CHST11: variants seen among roughly 807,000 people sequenced by gnomAD.
CHST11 encodes C4S-1.
In CHST11, 9 loss-of-function variants were observed where a neutral mutation model predicts 30.4. The observed-to-expected ratio is 0.30, with a 90% CI of 0.18 to 0.52. The LOEUF is 0.52. Ranked by LOEUF, CHST11 falls within the 20% of genes least tolerant of loss-of-function variation. The probability of loss-of-function intolerance (pLI) is 0.97; values close to 1 mark genes in which losing one functional copy is unlikely to be tolerated. For synonymous variants in CHST11, 152 were observed against 187.8 expected (o/e 0.81, Z 1.56); for missense variants, 348 against 460.6 (o/e 0.76, Z 2.24).
At chr12:104,745,026 A>G (rs2136141578) in intron 2 of CHST11, among the ~76,000 whole-genome samples, 1 of 152,142 alleles carries the variant, frequency 6.6e-6, no homozygotes, top group South Asian at 2.1e-4. Context: ...GGTGCCCACC[A>G]TCATGCCTGG....
intron 2 of CHST11, among the ~76,000 whole-genome samples, chr12:104,680,036 C>T (rs947792184): frequency 5.3e-5 from 8 of 152,184 alleles, no homozygotes; most frequent in African/African-American, 1.9e-4. Context: ...GTGACTTGAA[C>T]CTCTGAGCAT....
At chr12:104,518,473 C>G (rs2038046483) in intron 1 of CHST11, among the ~76,000 whole-genome samples, 1 of 152,122 alleles carries the variant, frequency 6.6e-6, no homozygotes, top group African/African-American at 2.4e-5. Context: ...TTCAGTTGGA[C>G]TCTGATAAAG....
intron 1 of CHST11, among the ~76,000 whole-genome samples, chr12:104,470,018 C>T (rs2037492736): frequency 6.6e-6 from 1 of 152,222 alleles, no homozygotes; most frequent in African/African-American, 2.4e-5. Context: ...CTTCTTCCCC[C>T]ATAGGGGACA....
At chr12:104,482,163 A>C (rs1208510851) in intron 1 of CHST11, among the ~76,000 whole-genome samples, 1 of 151,778 alleles carries the variant, frequency 6.6e-6, no homozygotes, top group Non-Finnish European at 1.5e-5. Flanking sequence ...GATATAAAGA[A>C]TGTATGGCTC....
At chr12:104,483,326 C>T (rs2037646082) in intron 1 of CHST11, among the ~76,000 whole-genome samples, 1 of 152,204 alleles carries the variant, frequency 6.6e-6, no homozygotes, top group African/African-American at 2.4e-5. Context: ...CTGCCTCAGC[C>T]TCTCGAGTAG....
At chr12:104,581,871 G>A (rs1411740300) in intron 1 of CHST11, among the ~76,000 whole-genome samples, 2 of 152,146 alleles carry the variant, frequency 1.3e-5, no homozygotes, top group African/African-American at 2.4e-5. Context: ...GTCTTGGCTT[G>A]GAAAACAAAG....
chr12:104,477,253 G>A (rs558346259), intron 1 of CHST11, among the ~76,000 whole-genome samples: 30 of 152,168 alleles, frequency 2.0e-4, no homozygotes, highest in African/African-American at 7.2e-4. Context: ...AGGAGAACTG[G>A]CCTCATCCTC....
intron 2 of CHST11, among the ~76,000 whole-genome samples, chr12:104,673,026 G>A (rs1263603987): frequency 6.6e-6 from 1 of 152,208 alleles, no homozygotes; most frequent in Non-Finnish European, 1.5e-5. Context: ...TCCCTCTGGA[G>A]ACTCTAAGGG....
chr12:104,591,332 G>C (rs922671495), intron 1 of CHST11, among the ~76,000 whole-genome samples: 4 of 152,104 alleles, frequency 2.6e-5, no homozygotes, highest in African/African-American at 9.7e-5. Context: ...GAATAGAGTA[G>C]GGAGGCCAGG....
chr12:104,624,699 C>T (rs1476066507), intron 2 of CHST11, among the ~76,000 whole-genome samples: 1 of 152,192 alleles, frequency 6.6e-6, no homozygotes, highest in African/African-American at 2.4e-5. Context: ...ATTGGGATTA[C>T]ATTTTCCCAG....
intron 2 of CHST11, among the ~76,000 whole-genome samples, chr12:104,715,917 C>A (rs975497004): frequency 6.6e-6 from 1 of 152,200 alleles, no homozygotes; most frequent in African/African-American, 2.4e-5. Flanking sequence ...GCTAACCTGA[C>A]CTATAGCAGT....
chr12:104,479,426 A>G (rs919108489), intron 1 of CHST11, among the ~76,000 whole-genome samples: 3 of 152,160 alleles, frequency 2.0e-5, no homozygotes, highest in Non-Finnish European at 4.4e-5. Flanking sequence ...GTTTACTGTC[A>G]TCCCCAGCTC....
intron 2 of CHST11, among the ~76,000 whole-genome samples, chr12:104,606,175 CG>C (rs143868527): frequency 1.0e-4 from 11 of 106,980 alleles, no homozygotes; most frequent in African/African-American, 2.3e-4. Flanking sequence ...GGGCGGGGGG[CG>C]GGGGGGGGAA....
chr12:104,636,373 C>T (rs1487748987), intron 2 of CHST11, among the ~76,000 whole-genome samples: 2 of 152,222 alleles, frequency 1.3e-5, no homozygotes. Flanking sequence ...ACCAAAGAAA[C>T]TTCCTAAGGC....
At chr12:104,594,214 G>A (rs574476913) in intron 1 of CHST11, among the ~76,000 whole-genome samples, 4 of 152,232 alleles carry the variant, frequency 2.6e-5, no homozygotes, top group African/African-American at 7.2e-5. Flanking sequence ...CCCTGCTTTG[G>A]GACCTCTGGC....
At chr12:104,671,361 C>T (rs2039695894) in intron 2 of CHST11, among the ~76,000 whole-genome samples, 1 of 152,076 alleles carries the variant, frequency 6.6e-6, no homozygotes. Flanking sequence ...CCTTCATTTC[C>T]CCATTTGCAG....
intron 2 of CHST11, among the ~76,000 whole-genome samples, chr12:104,626,442 A>G (rs766169748): frequency 2.0e-5 from 3 of 152,120 alleles, no homozygotes; most frequent in Non-Finnish European, 4.4e-5. Flanking sequence ...AGCAGCATTC[A>G]CCGAACCCCT....
chr12:104,684,614 C>G (rs2039829671), intron 2 of CHST11, among the ~76,000 whole-genome samples: 1 of 152,222 alleles, frequency 6.6e-6, no homozygotes, highest in South Asian at 2.1e-4. Flanking sequence ...GTAGCGCGAT[C>G]TCAGCTGACT....
At position 104,643,695 on chromosome 12, in the gene CHST11, G is replaced by A. The variant is rs75560640; in HGVS notation, c.204+41704G>A. Among the ~76,000 whole-genome samples, 1,142 of 152,184 alleles carry A rather than the reference G, an allele frequency of 7.5e-3. 60 individuals carry two copies. The East Asian group carries it at 0.11, about 15-fold the overall frequency. On this transcript the variant is annotated intron_variant, in intron 2 of 2. Transcript: ENST00000303694. ...ACTTTTTTTTGTTGTTGCACTTGAG[G>A]AGTTTTTCCTATCTGGAAAATTCCT...
Sources: allele counts gnomAD v4.1 joint callset (sites outside exome capture counted in the v4.1 genomes callset), GRCh38; gene constraint gnomAD v4.1.1; transcripts MANE v1.5; gene names NCBI Gene and HGNC (gene_info 2026-07-23, HGNC 2026-07-21).